VAMP4: variants seen among roughly 807,000 people sequenced by gnomAD.
VAMP4 encodes vesicle-associated membrane protein 4.
VAMP4 carries 19 observed loss-of-function variants against 23.5 expected under a neutral mutation model. That is an observed-to-expected ratio of 0.81 (90% CI 0.56 to 1.19). The LOEUF (loss-of-function observed/expected upper bound fraction) is 1.19, where lower values mean the gene tolerates loss of function less well. Ranked by LOEUF, VAMP4 falls within the 50% of genes most tolerant of loss-of-function variation. The probability of loss-of-function intolerance (pLI) is 0.00; values close to 1 mark genes in which losing one functional copy is unlikely to be tolerated. For missense variants in VAMP4, 145 were observed against 168.6 expected (o/e 0.86, Z 0.78); for synonymous variants, 31 against 51.0 (o/e 0.61, Z 1.67).
At chr1:171,722,472 T>C (rs554739457) in intron 3 of VAMP4, among the ~76,000 whole-genome samples, 40 of 152,216 alleles carry the variant, frequency 2.6e-4, no homozygotes, top group Middle Eastern at 6.8e-3. Flanking sequence ...ACAGGCAACC[T>C]ACAGAATGGG....
intron 4 of VAMP4, among the ~76,000 whole-genome samples, chr1:171,711,556 C>A (rs1173378562): frequency 2.6e-5 from 4 of 152,108 alleles, no homozygotes; most frequent in Non-Finnish European, 4.4e-5. Flanking sequence ...AAAGACTTAA[C>A]CTAAACTTAA....
intron 7 of VAMP4, among the ~76,000 whole-genome samples, chr1:171,705,516 TG>T (rs1654621123): frequency 1.3e-5 from 2 of 152,104 alleles, no homozygotes; most frequent in African/African-American, 4.8e-5. Flanking sequence ...ATGTGTGGGT[TG>T]GGGGACTTAC....
chr1:171,717,430 G>A (rs1254031486), intron 4 of VAMP4, among the ~76,000 whole-genome samples: 1 of 152,112 alleles, frequency 6.6e-6, no homozygotes, highest in South Asian at 2.1e-4. Flanking sequence ...GGCTCATGAG[G>A]TCTTCTTCCA....
At chr1:171,735,378 A>G (rs1430223506) in intron 2 of VAMP4, among the ~76,000 whole-genome samples, 1 of 152,244 alleles carries the variant, frequency 6.6e-6, no homozygotes, top group Non-Finnish European at 1.5e-5. Context: ...TCTGCTTTAC[A>G]TACATTTTTC....
At chr1:171,724,510 A>C (rs111658072) in intron 3 of VAMP4, among the ~76,000 whole-genome samples, 201 of 152,290 alleles carry the variant, frequency 1.3e-3, no homozygotes, top group African/African-American at 4.6e-3. Flanking sequence ...GATCAATTTG[A>C]CAAAGAAAAA....
intron 1 of VAMP4, among the ~76,000 whole-genome samples, chr1:171,739,523 G>A (rs1270560275): frequency 6.6e-6 from 1 of 152,212 alleles, no homozygotes; most frequent in East Asian, 1.9e-4. Flanking sequence ...GGAAGGGATT[G>A]TGGGAACTCT....
chr1:171,713,579 T>C (rs1654924481), intron 4 of VAMP4, among the ~76,000 whole-genome samples: 1 of 152,160 alleles, frequency 6.6e-6, no homozygotes, highest in Non-Finnish European at 1.5e-5. Flanking sequence ...ATGCCTGTAA[T>C]CTCAACACTT....
At chr1:171,726,839 C>T (rs1655384912) in intron 3 of VAMP4, among the ~76,000 whole-genome samples, 1 of 150,704 alleles carries the variant, frequency 6.6e-6, no homozygotes, top group African/African-American at 2.4e-5. Flanking sequence ...AAATTTTAAT[C>T]TTCAAAAGAT....
rs757685792 is a variant in VAMP4 at position 171,700,408 on chromosome 1, C to T, written c.*4098G>A. On this transcript the variant is annotated 3_prime_UTR_variant, in exon 8 of 8. Transcript: ENST00000236192. ...GTGGAATTTAAAATAATGACATATA[C>T]CCAAGACACAAAATAAAGGACTTGA... 1 of 152,084 alleles carries T rather than the reference C, an allele frequency of 6.6e-6. No homozygotes were observed. The highest frequency in any genetic ancestry group is 1.5e-5 in the Non-Finnish European group (1 of 68,014). 9.4% of individuals were successfully genotyped at this position (152,084 alleles called of 1,614,324 possible). A position where few individuals can be genotyped will look rare whatever the true frequency, so the allele number is the denominator to read the frequency against.
At chr1:171,738,555 G>T in intron 1 of VAMP4, 92 bp from the exon 2 acceptor site, 1 of 763,106 alleles carries the variant, frequency 1.3e-6, no homozygotes. Context: ...GTATGACAGG[G>T]ACTCCCTCAT....
chr1:171,715,990 A>G (rs1655014078), intron 4 of VAMP4, among the ~76,000 whole-genome samples: 1 of 152,190 alleles, frequency 6.6e-6, no homozygotes, highest in African/African-American at 2.4e-5. Context: ...GATGGAGCAA[A>G]ACCCTGTTTC....
At chr1:171,709,585 T>C (rs1654777649) in intron 6 of VAMP4, 80 bp downstream of exon 6, 1 of 1,324,736 alleles carries the variant, frequency 7.5e-7, no homozygotes, top group Non-Finnish European at 1.1e-6. Context: ...GGTTATGCTC[T>C]AGAGGCCCTT....
chr1:171,738,277 T>C (rs1655805957), intron 2 of VAMP4, 72 bp downstream of exon 2: 1 of 1,570,362 alleles, frequency 6.4e-7, no homozygotes, highest in Admixed American at 1.8e-5. Flanking sequence ...TGGTTTTTCT[T>C]CTATTATTCA....
At chr1:171,707,492 T>G (rs1475363420) in intron 6 of VAMP4, among the ~76,000 whole-genome samples, 1 of 152,152 alleles carries the variant, frequency 6.6e-6, no homozygotes, top group Non-Finnish European at 1.5e-5. Flanking sequence ...CGTTCTGCCC[T>G]TATATCCTTT....
chr1:171,738,128 C>T (rs1433818017), intron 2 of VAMP4, among the ~76,000 whole-genome samples: 1 of 152,018 alleles, frequency 6.6e-6, no homozygotes, highest in Non-Finnish European at 1.5e-5. Flanking sequence ...GCTACCATGC[C>T]CCATTAATTT....
intron 2 of VAMP4, among the ~76,000 whole-genome samples, chr1:171,735,015 T>G (rs1655692669): frequency 6.6e-6 from 1 of 152,228 alleles, no homozygotes; most frequent in Non-Finnish European, 1.5e-5. Flanking sequence ...TCCACACATA[T>G]TATTAAACTG....
rs1455707580 is a variant in VAMP4, at chr1:171,702,724, T to TAAC, written c.*1779_*1781dup. 2.0e-5 allele frequency: 3 copies of TAAC among 152,054 alleles called. No individual in the cohort carries two copies. The highest frequency in any genetic ancestry group is 4.4e-5 in the Non-Finnish European group (3 of 67,890). 9.4% of individuals were successfully genotyped at this position (152,054 alleles called of 1,614,324 possible). A position where few individuals can be genotyped will look rare whatever the true frequency, so the allele number is the denominator to read the frequency against. On this transcript the variant is annotated 3_prime_UTR_variant, in exon 8 of 8. Coordinates refer to ENST00000236192, the MANE Select transcript of VAMP4 (RefSeq NM_003762.5). ...AAAATGCTCATTTTTCTGGGTATCT[T>TAAC]AACTTAAAAGATTTATTAGCTGTTC...
chr1:171,704,667 G>A, intron 7 of VAMP4, 133 bp from the exon 8 acceptor site: 4 of 560,364 alleles, frequency 7.1e-6, no homozygotes, highest in South Asian at 6.4e-5. Flanking sequence ...TTTTATCTGA[G>A]GTAATAAATA....
At chr1:171,729,862 A>G (rs1386427663) in intron 2 of VAMP4, among the ~76,000 whole-genome samples, 5 of 152,178 alleles carry the variant, frequency 3.3e-5, no homozygotes, top group Admixed American at 6.5e-5. Context: ...GTTACCTTGC[A>G]TGGTAAAAGG....
Sources: gnomAD v4.1 joint callset for allele counts (sites outside exome capture counted in the v4.1 genomes callset) on GRCh38, gnomAD v4.1.1 for gene constraint, MANE v1.5 for transcripts, NCBI Gene and HGNC (gene_info 2026-07-23, HGNC 2026-07-21) for gene names.